Variants in PIWIL2 observed in about 807,000 individuals in gnomAD.
The protein encoded by PIWIL2 is piwi like RNA-mediated gene silencing 2, also known as piwi-like protein 2.
In PIWIL2, 81 loss-of-function variants were observed where a neutral mutation model predicts 116.5. The ratio of observed to expected loss-of-function variants is 0.70; its 90% CI spans 0.58 to 0.84. PIWIL2 has a LOEUF of 0.84. Ranked by LOEUF, PIWIL2 falls within the 40% of genes least tolerant of loss-of-function variation. The pLI is 0.00. For synonymous variants in PIWIL2, 489 were observed against 429.5 expected, an observed-to-expected ratio of 1.14 and a Z score of -1.71; for missense variants, 1,272 against 1,212.3, an observed-to-expected ratio of 1.05 and a Z score of -0.73.
intron 10 of PIWIL2, among the ~76,000 whole-genome samples, chr8:22,292,393 C>T (rs1395364485): frequency 2.0e-5 from 3 of 152,070 alleles, no homozygotes; most frequent in South Asian, 2.1e-4. Context: ...AGGATGGTAG[C>T]GATGGAGGTG....
At chr8:22,294,725 C>G (rs1026016804) in intron 10 of PIWIL2, among the ~76,000 whole-genome samples, 3 of 149,690 alleles carry the variant, frequency 2.0e-5, no homozygotes, top group Non-Finnish European at 3.0e-5. Context: ...TTCAATGAGT[C>G]CTATTGAAAA....
At chr8:22,321,522 G>GT (rs1019805263) in intron 20 of PIWIL2, among the ~76,000 whole-genome samples, 18 of 151,954 alleles carry the variant, frequency 1.2e-4, no homozygotes, top group African/African-American at 4.1e-4. Context: ...TATTTAAACT[G>GT]TTTTGCAAAA....
chr8:22,347,012 A>G (rs1832242471), intron 20 of PIWIL2, among the ~76,000 whole-genome samples: 1 of 151,346 alleles, frequency 6.6e-6, no homozygotes, highest in South Asian at 2.1e-4. Context: ...TGTATAAAAA[A>G]ATTTTTAAGT....
intron 20 of PIWIL2, among the ~76,000 whole-genome samples, chr8:22,345,191 A>G (rs1832197483): frequency 6.6e-6 from 1 of 152,230 alleles, no homozygotes; most frequent in Admixed American, 6.5e-5. Context: ...TATGTAAAAT[A>G]AAATAAAAAT....
chr8:22,312,926 C>A (rs1322427005), intron 16 of PIWIL2, among the ~76,000 whole-genome samples: 1 of 152,276 alleles, frequency 6.6e-6, no homozygotes, highest in South Asian at 2.1e-4. Flanking sequence ...CAGGTGTGAG[C>A]CACTGCACCC....
intron 1 of PIWIL2, among the ~76,000 whole-genome samples, chr8:22,277,028 TATATA>T (rs752249524): frequency 2.1e-5 from 3 of 141,332 alleles, no homozygotes; most frequent in Non-Finnish European, 3.0e-5. Flanking sequence ...GATATATATA[TATATA>T]TTTTTTTTTT....
At chr8:22,310,566 G>A (rs1831303256) in intron 15 of PIWIL2, among the ~76,000 whole-genome samples, 1 of 152,046 alleles carries the variant, frequency 6.6e-6, no homozygotes, top group South Asian at 2.1e-4. Context: ...GTTTTTAAAT[G>A]TTTTATTGAA....
At chr8:22,300,615 C>G (rs1334943130) in intron 10 of PIWIL2, among the ~76,000 whole-genome samples, 1 of 152,206 alleles carries the variant, frequency 6.6e-6, no homozygotes, top group Admixed American at 6.5e-5. Context: ...TACATTCCCA[C>G]TAGCAGTGCC....
At chr8:22,293,539 G>T (rs957534460) in intron 10 of PIWIL2, among the ~76,000 whole-genome samples, 4 of 152,090 alleles carry the variant, frequency 2.6e-5, no homozygotes, top group African/African-American at 9.7e-5. Flanking sequence ...TGGCCAGGCT[G>T]GTCTTGAACT....
At chr8:22,336,339 C>T (rs1364077978) in intron 20 of PIWIL2, among the ~76,000 whole-genome samples, 1 of 152,022 alleles carries the variant, frequency 6.6e-6, no homozygotes, top group Non-Finnish European at 1.5e-5. Context: ...GGGAAATTCA[C>T]AAATACATGG....
At chr8:22,354,747 G>C (rs1469233283) in intron 22 of PIWIL2, among the ~76,000 whole-genome samples, 1 of 152,158 alleles carries the variant, frequency 6.6e-6, no homozygotes, top group South Asian at 2.1e-4. Context: ...TTGTAAACAA[G>C]AAATATTTTC....
intron 19 of PIWIL2, 25 bp from the exon 20 acceptor site, chr8:22,318,145 G>C: frequency 7.0e-7 from 1 of 1,434,580 alleles, no homozygotes; most frequent in Non-Finnish European, 9.8e-7. Flanking sequence ...TCCTTTCTCT[G>C]TCTCTCTGCT....
At chr8:22,316,450 T>G (rs1241306049) in intron 19 of PIWIL2, 117 bp downstream of exon 19, 4 of 701,048 alleles carry the variant, frequency 5.7e-6, no homozygotes, top group Non-Finnish European at 7.3e-6. Context: ...TTTCTAAACA[T>G]TTTCTTCCTC....
At chr8:22,298,047 A>T (rs1307091196) in intron 10 of PIWIL2, among the ~76,000 whole-genome samples, 1 of 152,162 alleles carries the variant, frequency 6.6e-6, no homozygotes, top group Non-Finnish European at 1.5e-5. Context: ...GGTTGAGCCC[A>T]AGAGTTCGAA....
chr8:22,283,071 C>A lies in PIWIL2; in HGVS notation c.463C>A (p.Pro155Thr). 1 of 1,614,142 alleles carries A rather than the reference C, an allele frequency of 6.2e-7. No homozygotes were observed. ...GRGSSDASLL[P>T]LGRAAGGISR... Reference sequence around the variant, plus strand: ...AGGGAGTTCAGATGCGTCTTTATTACCACTGGGAAGAGCAGCAGGTGGTAT... The same window carrying A: ...AGGGAGTTCAGATGCGTCTTTATTAACACTGGGAAGAGCAGCAGGTGGTAT... The change falls in exon 5 of 23, where the codon CCA (proline) becomes ACA (threonine). Residue 155 changes from proline (P) to threonine (T), a missense_variant. Pro to Thr is a conservative substitution (Grantham distance 38). Coordinates refer to ENST00000356766, the MANE Select transcript of PIWIL2 (RefSeq NM_018068.5).
intron 20 of PIWIL2, among the ~76,000 whole-genome samples, chr8:22,330,743 A>AATAAATAT (rs1192348377): frequency 1.9e-4 from 28 of 148,470 alleles, no homozygotes; most frequent in Admixed American, 4.7e-4. Flanking sequence ...TAAATAAATA[A>AATAAATAT]AAATAGTTGA....
intron 10 of PIWIL2, among the ~76,000 whole-genome samples, chr8:22,292,396 T>C (rs1436168037): frequency 6.6e-6 from 1 of 152,140 alleles, no homozygotes; most frequent in Non-Finnish European, 1.5e-5. Context: ...ATGGTAGCGA[T>C]GGAGGTGGTA....
intron 1 of PIWIL2, among the ~76,000 whole-genome samples, chr8:22,276,951 G>T (rs960098649): frequency 6.6e-6 from 1 of 151,986 alleles, no homozygotes; most frequent in Non-Finnish European, 1.5e-5. Flanking sequence ...TCAGGAATCA[G>T]GGGCAAGTCA....
At chr8:22,350,222 T>C (rs943812728) in intron 20 of PIWIL2, among the ~76,000 whole-genome samples, 2 of 152,088 alleles carry the variant, frequency 1.3e-5, no homozygotes, top group Non-Finnish European at 2.9e-5. Context: ...GACTATATCT[T>C]GTTGGGGGCA....
Sources: allele counts gnomAD v4.1 joint callset (sites outside exome capture counted in the v4.1 genomes callset), GRCh38; gene constraint gnomAD v4.1.1; transcripts MANE v1.5; gene names NCBI Gene and HGNC (gene_info 2026-07-23, HGNC 2026-07-21).